DYRK1A: variants seen among roughly 807,000 people sequenced by gnomAD.
DYRK1A encodes dual specificity tyrosine phosphorylation regulated kinase 1A.
Under a neutral mutation model 79.7 loss-of-function variants are expected in DYRK1A, and 9 were observed. That is an observed-to-expected ratio of 0.11 (90% CI 0.07 to 0.20). DYRK1A has a LOEUF of 0.20. Among genes scored for constraint, DYRK1A ranks in the 10% least tolerant of loss-of-function variants. DYRK1A has a pLI of 1.00. For missense variants in DYRK1A, 622 were observed against 956.0 expected (o/e 0.65, Z 4.61); for synonymous variants, 349 against 329.7 (o/e 1.06, Z -0.63).
In DYRK1A at chr21:37,519,995, T is replaced by A. The variant is rs1055856373; in HGVS notation, c.*7464T>A. ...CTCCTGACCTTGTGATCCATCTGCC[T>A]TGGCCTCCCAAAGTGCTGGGATTAC... On this transcript the variant is annotated 3_prime_UTR_variant, in exon 12 of 12. Transcript: ENST00000647188. The A allele has an allele frequency of 6.6e-6, 1 of 152,222 alleles. No individual in the cohort carries two copies. Among genetic ancestry groups the A allele is most frequent in the African/African-American group, 2.4e-5 (1 of 41,426 alleles). 9.4% of individuals were successfully genotyped at this position (152,222 alleles called of 1,614,324 possible).
Position 37,402,818 on chromosome 21 carries a change from A to G in DYRK1A, c.-76-17481A>G, listed in dbSNP as rs895244135. Among the ~76,000 whole-genome samples the G allele has an allele frequency of 2.0e-5, 3 of 152,030 alleles. No homozygotes were observed. The South Asian group carries it at 6.2e-4, about 32-fold the overall frequency. On this transcript the variant is annotated intron_variant, in intron 1 of 11. Coordinates refer to ENST00000647188, the MANE Select transcript of DYRK1A (RefSeq NM_001347721.2). Reference sequence around the variant, plus strand: ...TACTCTGTTGCCCAGGCTGGAGTGCAATGGTGCCATCTCGGCTCACTGCAA... The same window carrying G: ...TACTCTGTTGCCCAGGCTGGAGTGCGATGGTGCCATCTCGGCTCACTGCAA...
In DYRK1A at chr21:37,512,744, G is replaced by A; in HGVS notation, c.*213G>A. Reference sequence around the variant, plus strand: ...ATGTCCAAACCCATCTTCATGGATAGCTCAGAGGTATCCTCTTTTTGCTCC... The same window carrying A: ...ATGTCCAAACCCATCTTCATGGATAACTCAGAGGTATCCTCTTTTTGCTCC... On this transcript the variant is annotated 3_prime_UTR_variant, in exon 12 of 12. Transcript: ENST00000647188. 1.8e-6 allele frequency: 1 copy of A among 549,496 alleles called. No homozygotes were observed. The highest frequency in any genetic ancestry group is 3.1e-6 in the Non-Finnish European group (1 of 317,774). 34.0% of individuals were successfully genotyped at this position (549,496 alleles called of 1,614,324 possible).
At chr21:37,422,628 G>A (rs2050506708) in intron 2 of DYRK1A, among the ~76,000 whole-genome samples, 1 of 152,098 alleles carries the variant, frequency 6.6e-6, no homozygotes, top group Non-Finnish European at 1.5e-5. Context: ...TGGCTGATGG[G>A]CCTTTCAGAA....
intron 2 of DYRK1A, among the ~76,000 whole-genome samples, chr21:37,436,442 A>T (rs1341930918): frequency 6.6e-6 from 1 of 152,070 alleles, no homozygotes; most frequent in African/African-American, 2.4e-5. Flanking sequence ...TCCAGCTAGC[A>T]CCATTTCTGG....
intron 2 of DYRK1A, among the ~76,000 whole-genome samples, chr21:37,454,044 C>T (rs1272879422): frequency 6.8e-6 from 1 of 147,754 alleles, no homozygotes; most frequent in Non-Finnish European, 1.5e-5. Flanking sequence ...CTTGAGTCCT[C>T]AATCTCCTAC....
chr21:37,455,752 C>T (rs947580708), intron 2 of DYRK1A, among the ~76,000 whole-genome samples: 12 of 152,250 alleles, frequency 7.9e-5, no homozygotes, highest in Middle Eastern at 3.4e-3. Context: ...CTTACACATT[C>T]GTTCTATCAT....
intron 1 of DYRK1A, among the ~76,000 whole-genome samples, chr21:37,417,474 C>T (rs1275657738): frequency 6.9e-6 from 1 of 144,812 alleles, no homozygotes; most frequent in African/African-American, 2.5e-5. Context: ...GATTACAGAG[C>T]CACTGCTCCC....
intron 2 of DYRK1A, among the ~76,000 whole-genome samples, chr21:37,439,112 A>T (rs534006963): frequency 1.4e-4 from 21 of 152,356 alleles, no homozygotes; most frequent in Admixed American, 4.6e-4. Context: ...ACTAGCACAT[A>T]GAAATACAAT....
chr21:37,411,808 T>G (rs2050250718), intron 1 of DYRK1A, among the ~76,000 whole-genome samples: 1 of 152,232 alleles, frequency 6.6e-6, no homozygotes, highest in African/African-American at 2.4e-5. Flanking sequence ...ATAACTATTA[T>G]TTGCATTTTG....
At chr21:37,395,865 G>C (rs2049951620) in intron 1 of DYRK1A, among the ~76,000 whole-genome samples, 2 of 152,194 alleles carry the variant, frequency 1.3e-5, no homozygotes, top group South Asian at 2.1e-4. Flanking sequence ...GATAGACTCT[G>C]TTCTGGGATT....
intron 2 of DYRK1A, among the ~76,000 whole-genome samples, chr21:37,467,768 T>G (rs575034238): frequency 3.9e-5 from 6 of 152,336 alleles, no homozygotes; most frequent in East Asian, 3.9e-4. Flanking sequence ...TTGAAAGCTT[T>G]CTTTCTAAGA....
At chr21:37,505,114 A>G (rs1471059577) in intron 9 of DYRK1A, 169 bp from the exon 10 acceptor site, 4 of 607,590 alleles carry the variant, frequency 6.6e-6, no homozygotes, top group Admixed American at 3.1e-5. Flanking sequence ...AACTGTAACT[A>G]CCATGCATTT....
chr21:37,485,731 GT>G (rs1054790598), intron 5 of DYRK1A, among the ~76,000 whole-genome samples: 44 of 141,176 alleles, frequency 3.1e-4, no homozygotes, highest in African/African-American at 9.7e-4. Flanking sequence ...ATTTTGTAAT[GT>G]TTATGTAAAT....
intron 5 of DYRK1A, among the ~76,000 whole-genome samples, chr21:37,484,009 A>G (rs937095625): frequency 2.6e-5 from 4 of 152,088 alleles, no homozygotes; most frequent in Non-Finnish European, 5.9e-5. Context: ...CTGGTTCCCA[A>G]CCCGGGCTAC....
chr21:37,505,623 A>G (rs1156855674), intron 10 of DYRK1A, 34 bp downstream of exon 10: 2 of 1,532,858 alleles, frequency 1.3e-6, no homozygotes, highest in Admixed American at 4.2e-5. Flanking sequence ...AGGCTTGGGA[A>G]TGTTTTGTGT....
intron 1 of DYRK1A, among the ~76,000 whole-genome samples, chr21:37,392,533 C>T (rs956977671): frequency 1.1e-4 from 16 of 152,284 alleles, no homozygotes; most frequent in East Asian, 3.9e-4. Context: ...CCAGCGGATT[C>T]GGTGTTTGCC....
chr21:37,493,985 G>T (rs1373125236), intron 8 of DYRK1A, among the ~76,000 whole-genome samples: 2 of 135,416 alleles, frequency 1.5e-5, no homozygotes, highest in Non-Finnish European at 3.1e-5. Flanking sequence ...CTGTCACTCA[G>T]GCTGGAGTAT....
At position 37,521,290 on chromosome 21, in the gene DYRK1A, C is replaced by T. The variant is rs189339461; in HGVS notation, c.*8759C>T. ...AATTAAAACAGTGAACTTGAAATAT[C>T]TCCCCTACTCCCTGCAGAGACACTC... On this transcript the variant is annotated 3_prime_UTR_variant, in exon 12 of 12. Transcript: ENST00000647188. 3.3e-5 allele frequency: 5 copies of T among 152,330 alleles called. No individual in the cohort carries two copies. The highest frequency in any genetic ancestry group is 2.0e-4 in the Admixed American group (3 of 15,300). The allele number at this position is 152,330 out of a possible 1,614,324, so 9.4% of individuals were successfully genotyped here.
chr21:37,493,178 G>T lies in DYRK1A; in HGVS notation c.1071+15G>T. The T allele has an allele frequency of 1.3e-6, 2 of 1,569,164 alleles. No individual in the cohort carries two copies. Among genetic ancestry groups the T allele is most frequent in the Non-Finnish European group, 8.7e-7 (1 of 1,148,486 alleles). On this transcript the variant is annotated intron_variant, in intron 8 of 11. Transcript: ENST00000647188. ...GTGCCAATGAGGTAAATGATGTATT[G>T]CTTTACAAATTCTGTTTTCATAATT...
Sources: allele counts gnomAD v4.1 joint callset (sites outside exome capture counted in the v4.1 genomes callset), GRCh38; gene constraint gnomAD v4.1.1; transcripts MANE v1.5; gene names NCBI Gene and HGNC (gene_info 2026-07-23, HGNC 2026-07-21).